The following GRIK1 variants were observed in gnomAD, a reference collection of about 807,000 sequenced individuals.
GRIK1 encodes the protein glutamate receptor ionotropic, kainate 1.
Under a neutral mutation model 105.7 loss-of-function variants are expected in GRIK1, and 69 were observed. The observed-to-expected ratio is 0.65, with a 90% confidence interval of 0.54 to 0.80. GRIK1 has a LOEUF of 0.80. Among genes scored for constraint, GRIK1 ranks in the 30% least tolerant of loss-of-function variants. The pLI is 0.00. For missense variants in GRIK1, 1,109 were observed against 1,167.3 expected (o/e 0.95, Z 0.73); for synonymous variants, 438 against 431.3 (o/e 1.02, Z -0.19).
chr21:29,902,018 T>C (rs2146263699), intron 1 of GRIK1, among the ~76,000 whole-genome samples: 1 of 152,240 alleles, frequency 6.6e-6, no homozygotes, highest in South Asian at 2.1e-4. Context: ...ATGTAACCCA[T>C]CACATAAACA....
At chr21:29,922,734 T>C (rs1324124865) in intron 1 of GRIK1, among the ~76,000 whole-genome samples, 1 of 152,226 alleles carries the variant, frequency 6.6e-6, no homozygotes, top group Non-Finnish European at 1.5e-5. Context: ...CTTACAGCTT[T>C]TGCTGTTGTA....
At chr21:29,843,261 T>C (rs2068029225) in intron 1 of GRIK1, among the ~76,000 whole-genome samples, 1 of 152,212 alleles carries the variant, frequency 6.6e-6, no homozygotes, top group Non-Finnish European at 1.5e-5. Context: ...GACACATACC[T>C]AGAATTTGAA....
intron 4 of GRIK1, among the ~76,000 whole-genome samples, chr21:29,668,534 AG>A (rs1409025505): frequency 6.6e-6 from 1 of 152,234 alleles, no homozygotes. Context: ...GAAAGAGGCC[AG>A]GTCAGGTCAT....
At chr21:29,775,711 T>C (rs1338711210) in intron 1 of GRIK1, among the ~76,000 whole-genome samples, 2 of 147,342 alleles carry the variant, frequency 1.4e-5, no homozygotes, top group East Asian at 3.9e-4. Flanking sequence ...TACTAAGTCA[T>C]TTTTTTACCT....
intron 1 of GRIK1, among the ~76,000 whole-genome samples, chr21:29,819,498 A>G (rs759946593): frequency 6.6e-6 from 1 of 152,024 alleles, no homozygotes; most frequent in Non-Finnish European, 1.5e-5. Flanking sequence ...TGTGTGTGAG[A>G]GAGAAAGAGA....
chr21:29,550,953 C>G (rs1432931635), intron 16 of GRIK1, among the ~76,000 whole-genome samples: 1 of 152,098 alleles, frequency 6.6e-6, no homozygotes, highest in East Asian at 1.9e-4. Context: ...GAAATTTACT[C>G]TAAAGAATAC....
At chr21:29,806,702 C>G (rs1386613540) in intron 1 of GRIK1, among the ~76,000 whole-genome samples, 1 of 152,104 alleles carries the variant, frequency 6.6e-6, no homozygotes, top group African/African-American at 2.4e-5. Context: ...ATACTGAGTA[C>G]TTACCTTGCG....
intron 1 of GRIK1, among the ~76,000 whole-genome samples, chr21:29,742,437 C>T (rs979884058): frequency 6.6e-6 from 1 of 152,190 alleles, no homozygotes; most frequent in African/African-American, 2.4e-5. Flanking sequence ...CAGAACAACA[C>T]TGTATATTAC....
At chr21:29,847,915 CCTCTCT>C (rs149581180) in intron 1 of GRIK1, among the ~76,000 whole-genome samples, 1 of 146,400 alleles carries the variant, frequency 6.8e-6, no homozygotes, top group African/African-American at 2.6e-5. Flanking sequence ...TCTCTCTCTC[CCTCTCT>C]CTCTCTCTCA....
intron 1 of GRIK1, among the ~76,000 whole-genome samples, chr21:29,738,993 A>G (rs1238470607): frequency 2.0e-5 from 3 of 152,252 alleles, no homozygotes; most frequent in Non-Finnish European, 2.9e-5. Flanking sequence ...GCATTCATTT[A>G]AAATATTTAT....
In GRIK1 at chr21:29,732,804, A is replaced by G. The variant is rs187770624; in HGVS notation, c.119-38741T>C. Among the ~76,000 whole-genome samples the G allele has an allele frequency of 2.6e-3, 389 of 152,270 alleles. 2 individuals carry two copies. The highest frequency in any genetic ancestry group is 9.2e-3 in the African/African-American group (381 of 41,556). On this transcript the variant is annotated intron_variant, in intron 1 of 17. Transcript: ENST00000327783. ...CAAATGGGATCTGAATTTCCGTGAG[A>G]TTAATATATTCCTTTAACTACATCC...
chr21:29,538,001 G>C lies in GRIK1; in HGVS notation c.2608-117C>G, dbSNP rs565138071. 2.4e-4 allele frequency: 147 copies of C among 621,892 alleles called. No homozygotes were observed. The African/African-American group carries it at 2.6e-3, about 11-fold the overall frequency. The allele number at this position is 621,892 out of a possible 1,614,324, so 38.5% of individuals were successfully genotyped here. A position where few individuals can be genotyped will look rare whatever the true frequency, so the allele number is the denominator to read the frequency against. On this transcript the variant is annotated intron_variant, in intron 16 of 17. Transcript: ENST00000327783. ...TCGAAATGAAAAATAATGTGGTACT[G>C]AACTTCACAGCAAAAACGATGGCAT...
intron 7 of GRIK1, among the ~76,000 whole-genome samples, chr21:29,640,182 G>A (rs906861209): frequency 1.3e-5 from 2 of 151,270 alleles, no homozygotes; most frequent in South Asian, 2.1e-4. Context: ...AAGAAGCAGC[G>A]GGGGAAATTT....
chr21:29,580,098 T>C (rs1175393774), intron 13 of GRIK1, among the ~76,000 whole-genome samples: 7 of 145,436 alleles, frequency 4.8e-5, no homozygotes, highest in Admixed American at 2.8e-4. Context: ...TGTATATATA[T>C]GTGTGTATAT....
At chr21:29,700,827 C>G (rs1479547908) in intron 1 of GRIK1, among the ~76,000 whole-genome samples, 1 of 152,112 alleles carries the variant, frequency 6.6e-6, no homozygotes, top group African/African-American at 2.4e-5. Flanking sequence ...TTACCCTCTT[C>G]TTCCCAAAAG....
intron 1 of GRIK1, among the ~76,000 whole-genome samples, chr21:29,715,816 C>A (rs552205270): frequency 6.6e-6 from 1 of 151,918 alleles, no homozygotes; most frequent in African/African-American, 2.4e-5. Flanking sequence ...CTATAAATGT[C>A]AAGCACAATG....
At chr21:29,574,692 T>C (rs1311112576) in intron 14 of GRIK1, among the ~76,000 whole-genome samples, 6 of 145,316 alleles carry the variant, frequency 4.1e-5, no homozygotes, top group Non-Finnish European at 3.0e-5. Flanking sequence ...TCTTTTTTTT[T>C]TTTTTTTTTT....
intron 1 of GRIK1, among the ~76,000 whole-genome samples, chr21:29,783,235 T>A (rs2145788607): frequency 6.6e-6 from 1 of 152,352 alleles, no homozygotes; most frequent in East Asian, 1.9e-4. Flanking sequence ...TATTTTTCTA[T>A]TACAATATTT....
At chr21:29,558,366 T>C (rs1424601890) in intron 15 of GRIK1, among the ~76,000 whole-genome samples, 1 of 91,796 alleles carries the variant, frequency 1.1e-5, no homozygotes, top group Non-Finnish European at 2.1e-5. Flanking sequence ...ATATATTTCA[T>C]ATATATATTT....
Sources: allele counts gnomAD v4.1 joint callset (sites outside exome capture counted in the v4.1 genomes callset), GRCh38; gene constraint gnomAD v4.1.1; transcripts MANE v1.5; gene names NCBI Gene and HGNC (gene_info 2026-07-23, HGNC 2026-07-21).